Variants in IQSEC1 observed in about 807,000 individuals in gnomAD.
IQSEC1 encodes IQ motif and SEC7 domain-containing protein 1.
A neutral mutation model predicts 91.0 loss-of-function variants in IQSEC1; 31 were observed. The ratio of observed to expected loss-of-function variants is 0.34; its 90% CI spans 0.26 to 0.46. The LOEUF is 0.46. Ranked by LOEUF, IQSEC1 falls within the 20% of genes least tolerant of loss-of-function variation. The probability of loss-of-function intolerance (pLI) is 1.00; values close to 1 mark genes in which losing one functional copy is unlikely to be tolerated. For synonymous variants in IQSEC1, 699 were observed against 662.6 expected (o/e 1.05, Z -0.84); for missense variants, 1,388 against 1,575.6 (o/e 0.88, Z 2.02).
chr3:13,074,812 TAGA>T (rs58802291), upstream of IQSEC1, among the ~76,000 whole-genome samples: 30,402 of 152,124 alleles, frequency 0.2, 3,142 homozygotes, highest in Middle Eastern at 0.36. Context: ...TCACCGAATT[TAGA>T]AGGAGTGATG....
chr3:12,916,084 G>A (rs1343882832), intron 6 of IQSEC1, among the ~76,000 whole-genome samples: 1 of 152,202 alleles, frequency 6.6e-6, no homozygotes, highest in East Asian at 1.9e-4. Context: ...GACTGAGGCT[G>A]ACGTGTGGGG....
At position 12,901,513 on chromosome 3, in the gene IQSEC1, T is replaced by G. The variant is rs190809678; in HGVS notation, c.2815A>C (p.Ile939Leu). Residue 939 changes from isoleucine to leucine, a missense_variant, in exon 14 of 14, where the codon ATT becomes CTT. Physicochemically the swap from Ile to Leu is conservative, Grantham distance 5. This residue lies in a region of IQSEC1 where 329 missense variants were observed against 257.8 expected (regional missense o/e 1.28). Transcript: ENST00000613206. ...SLESNVEGSI[I>L]SSPHMRRRAT... ...CTCCGGCGCATGTGAGGACTGCTAA[T>G]GATGGACCCCTAAAAAGGAAATTCA... is the stretch of plus-strand genomic sequence containing the variant. 5.1e-3 allele frequency: 7,879 copies of G among 1,549,322 alleles called. 32 individuals carry two copies. The highest frequency in any genetic ancestry group is 6.3e-3 in the Non-Finnish European group (7,207 of 1,146,468).
At chr3:13,255,124 G>C (rs891841014) in intron 1 of IQSEC1, among the ~76,000 whole-genome samples, 1 of 152,242 alleles carries the variant, frequency 6.6e-6, no homozygotes, top group African/African-American at 2.4e-5. Context: ...GAAGGAACCA[G>C]GAACAGGTTC....
chr3:13,274,695 G>C (rs1344228952), intron 1 of IQSEC1, among the ~76,000 whole-genome samples: 1 of 152,232 alleles, frequency 6.6e-6, no homozygotes, highest in African/African-American at 2.4e-5. Flanking sequence ...GGGGAGGTCA[G>C]ACCAACTCAG....
At chr3:13,018,686 C>T (rs1429084769) in intron 1 of IQSEC1, among the ~76,000 whole-genome samples, 1 of 152,112 alleles carries the variant, frequency 6.6e-6, no homozygotes, top group African/African-American at 2.4e-5. Flanking sequence ...AGGGTCTCAT[C>T]CACCCTCCAG....
chr3:13,010,459 C>A (rs1469457175), intron 1 of IQSEC1, among the ~76,000 whole-genome samples: 1 of 152,182 alleles, frequency 6.6e-6, no homozygotes, highest in Non-Finnish European at 1.5e-5. Flanking sequence ...TCTGTCAGAA[C>A]AGTTTCTGCC....
intron 2 of IQSEC1, among the ~76,000 whole-genome samples, chr3:13,129,135 T>C (rs1425656252): frequency 6.6e-6 from 1 of 152,258 alleles, no homozygotes; most frequent in African/African-American, 2.4e-5. Context: ...GTAAAAATTT[T>C]AACTACAATT....
At chr3:13,231,499 A>G (rs1291256151) in intron 1 of IQSEC1, among the ~76,000 whole-genome samples, 2 of 152,126 alleles carry the variant, frequency 1.3e-5, no homozygotes, top group Middle Eastern at 3.2e-3. Context: ...ATCTCTTTTT[A>G]TAAGGACACA....
rs571212285 is a variant in IQSEC1, at chr3:13,280,937, G to A, written c.272+1774C>T. On this transcript the variant is annotated intron_variant, in intron 1 of 15. Transcript: ENST00000648114. ...AACAAAATCCCAGCCTTCCCATCCC[G>A]GCTTCCCGGCCAAGGCGGCTGCCTG... Among the ~76,000 whole-genome samples, 6 of 152,350 alleles carry A rather than the reference G, an allele frequency of 3.9e-5. No individual in the cohort carries two copies. The East Asian group carries it at 5.8e-4, about 15-fold the overall frequency.
rs1474216731 is a variant in IQSEC1 at position 13,232,902 on chromosome 3, A to G, written c.272+49809T>C. ...AAATAAGCCCGTCACGAAACGTGAAAAACAGTCTCATTCTACTTGTGTGAG... is the reference window on the plus strand; with the variant it reads ...AAATAAGCCCGTCACGAAACGTGAAGAACAGTCTCATTCTACTTGTGTGAG... On this transcript the variant is annotated intron_variant, in intron 1 of 15. Transcript: ENST00000648114. Among the ~76,000 whole-genome samples, 3 of 152,178 alleles carry G rather than the reference A, an allele frequency of 2.0e-5. No individual in the cohort carries two copies. The South Asian group carries it at 6.2e-4, about 32-fold the overall frequency.
chr3:12,915,506 A>C, intron 7 of IQSEC1, 88 bp downstream of exon 7: 1 of 1,400,282 alleles, frequency 7.1e-7, no homozygotes, highest in Non-Finnish European at 9.9e-7. Flanking sequence ...GACCACACGG[A>C]GTGGGGTGGG....
intron 1 of IQSEC1, among the ~76,000 whole-genome samples, chr3:13,203,600 G>C (rs900772238): frequency 1.3e-5 from 2 of 152,150 alleles, no homozygotes; most frequent in African/African-American, 2.4e-5. Context: ...GCTGCTCCAC[G>C]AATCAGCAAA....
intron 1 of IQSEC1, among the ~76,000 whole-genome samples, chr3:13,225,193 G>A (rs888732701): frequency 2.0e-5 from 3 of 152,250 alleles, no homozygotes; most frequent in Admixed American, 2.0e-4. Context: ...ACCACCAGGA[G>A]TTGTATAACC....
At chr3:13,187,254 T>A (rs1693949980) in intron 1 of IQSEC1, among the ~76,000 whole-genome samples, 1 of 152,074 alleles carries the variant, frequency 6.6e-6, no homozygotes, top group Non-Finnish European at 1.5e-5. Context: ...GGATAGACAG[T>A]CTTGTACACA....
intron 2 of IQSEC1, among the ~76,000 whole-genome samples, chr3:13,082,379 CA>C (rs1423211979): frequency 6.6e-6 from 1 of 152,240 alleles, no homozygotes; most frequent in East Asian, 1.9e-4. Context: ...GCAGTTCCCT[CA>C]GGTCAGGGCT....
intron 1 of IQSEC1, among the ~76,000 whole-genome samples, chr3:13,225,333 G>A (rs770645269): frequency 4.0e-4 from 61 of 152,344 alleles, no homozygotes; most frequent in Middle Eastern, 3.4e-3. Flanking sequence ...AACACTAAAT[G>A]TGTGTTTAAT....
At chr3:13,113,254 C>A (rs560420209) in intron 2 of IQSEC1, among the ~76,000 whole-genome samples, 1 of 152,294 alleles carries the variant, frequency 6.6e-6, no homozygotes, top group South Asian at 2.1e-4. Flanking sequence ...AAGTGCTAGT[C>A]AGGAAGGGCT....
chr3:13,025,775 G>T (rs1036577025), intron 1 of IQSEC1, among the ~76,000 whole-genome samples: 2 of 152,188 alleles, frequency 1.3e-5, no homozygotes, highest in African/African-American at 4.8e-5. Flanking sequence ...TACTCACTGG[G>T]GGTCCGTGCA....
At chr3:12,976,590 C>T (rs1215317449) in intron 1 of IQSEC1, among the ~76,000 whole-genome samples, 5 of 152,198 alleles carry the variant, frequency 3.3e-5, no homozygotes, top group East Asian at 1.9e-4. Context: ...ACTTCTTCCT[C>T]GGGACCTTCC....
Sources: allele counts gnomAD v4.1 joint callset (sites outside exome capture counted in the v4.1 genomes callset), GRCh38; gene constraint gnomAD v4.1.1; regional missense constraint gnomAD v4.1.1; transcripts MANE v1.5; gene names NCBI Gene and HGNC (gene_info 2026-07-23, HGNC 2026-07-21).